Variants in FANCI observed in about 807,000 individuals in gnomAD.
FANCI encodes the protein Fanconi anemia group I protein.
A neutral mutation model predicts 176.1 loss-of-function variants in FANCI; 156 were observed. The ratio of observed to expected loss-of-function variants is 0.89; its 90% CI spans 0.78 to 1.01. The LOEUF is 1.01. FANCI is among the 50% of genes least tolerant of loss of function. The probability of loss-of-function intolerance (pLI) is 0.00; values close to 1 mark genes in which losing one functional copy is unlikely to be tolerated. For missense variants in FANCI, 1,678 were observed against 1,534.1 expected, an observed-to-expected ratio of 1.09 and a Z score of -1.57; for synonymous variants, 613 against 541.7, an observed-to-expected ratio of 1.13 and a Z score of -1.83.
chr15:89,294,320 C>A (rs1364491282), intron 23 of FANCI, among the ~76,000 whole-genome samples: 1 of 151,934 alleles, frequency 6.6e-6, no homozygotes, highest in Non-Finnish European at 1.5e-5. Flanking sequence ...CATGGTGCCT[C>A]ACTCCTGTAA....
chr15:89,305,295 G>A (rs367936782), intron 29 of FANCI, 46 bp from the exon 30 acceptor site: 1 of 1,614,044 alleles, frequency 6.2e-7, no homozygotes, highest in Non-Finnish European at 8.5e-7. Flanking sequence ...GGGGTCAAGG[G>A]AACAACCTTA....
intron 18 of FANCI, among the ~76,000 whole-genome samples, chr15:89,288,325 C>A (rs909752506): frequency 6.6e-6 from 1 of 151,910 alleles, no homozygotes; most frequent in African/African-American, 2.4e-5. Context: ...CCTTGATATG[C>A]CCCTTCCCCC....
chr15:89,269,551 T>A (rs1228760489), intron 10 of FANCI, among the ~76,000 whole-genome samples: 1 of 152,184 alleles, frequency 6.6e-6, no homozygotes, highest in African/African-American at 2.4e-5. Context: ...TCTGATTGTT[T>A]CCTCACGATT....
At chr15:89,250,262 C>A (rs1190253425) in intron 2 of FANCI, among the ~76,000 whole-genome samples, 1 of 152,064 alleles carries the variant, frequency 6.6e-6, no homozygotes, top group Admixed American at 6.6e-5. Context: ...TATTGCGGCA[C>A]TATTCACAAT....
intron 31 of FANCI, 84 bp downstream of exon 31, chr15:89,305,782 C>A: frequency 7.1e-7 from 1 of 1,409,090 alleles, no homozygotes; most frequent in South Asian, 1.2e-5. Flanking sequence ...AAATGGAGCC[C>A]CTGAGCTAAA....
chr15:89,248,666 CTCAAATTGAAGGCGTGAACACTG>C (rs1175845913), intron 2 of FANCI, among the ~76,000 whole-genome samples: 1 of 152,038 alleles, frequency 6.6e-6, no homozygotes, highest in Non-Finnish European at 1.5e-5. Context: ...AGTTTCATGC[CTCAAATTGAAGGCGTGAACACTG>C]TCAAATTGAA....
At chr15:89,256,938 G>A (rs2052521086) in intron 2 of FANCI, among the ~76,000 whole-genome samples, 2 of 151,874 alleles carry the variant, frequency 1.3e-5, no homozygotes, top group Admixed American at 6.6e-5. Flanking sequence ...ATGGAGTCTC[G>A]CTCTGTCACC....
intron 18 of FANCI, 53 bp from the exon 19 acceptor site, chr15:89,290,160 G>T (rs142144266): frequency 1.5e-6 from 2 of 1,346,782 alleles, no homozygotes; most frequent in East Asian, 2.3e-5. Context: ...TGATTGTCCA[G>T]ATCACTAGTA....
intron 27 of FANCI, among the ~76,000 whole-genome samples, chr15:89,303,140 G>A (rs965815150): frequency 1.3e-5 from 2 of 152,138 alleles, no homozygotes; most frequent in Non-Finnish European, 2.9e-5. Flanking sequence ...CATTGAGCAC[G>A]GTATTCTGAA....
At position 89,264,621 on chromosome 15, in the gene FANCI, T is replaced by C. The variant is rs1412789294; in HGVS notation, c.755+14T>C. ...GAGTGGTGACGAGTGAGTAATATAG[T>C]GTAGAAATAAAGATCATTTTTACAA... On this transcript the variant is annotated intron_variant, in intron 9 of 37. Transcript: ENST00000310775. The C allele has an allele frequency of 5.0e-6, 8 of 1,603,004 alleles. No homozygotes were observed. Among genetic ancestry groups the C allele is most frequent in the Non-Finnish European group, 6.8e-6 (8 of 1,170,502 alleles).
chr15:89,299,331 G>A lies in FANCI; in HGVS notation c.2637-469G>A, dbSNP rs2054441728. Among the ~76,000 whole-genome samples the A allele has an allele frequency of 2.0e-5, 3 of 152,180 alleles. No homozygotes were observed. The South Asian group carries it at 6.2e-4, about 31-fold the overall frequency. On this transcript the variant is annotated intron_variant, in intron 24 of 37. Transcript: ENST00000310775. ...ATTCATCCAAACATTTAAGGGAGAAGTAATGTAAATTCTGTGCAAATTCTT... is the reference window on the plus strand; with the variant it reads ...ATTCATCCAAACATTTAAGGGAGAAATAATGTAAATTCTGTGCAAATTCTT...
At chr15:89,313,990 C>T (rs2055080871) in intron 35 of FANCI, among the ~76,000 whole-genome samples, 2 of 151,210 alleles carry the variant, frequency 1.3e-5, no homozygotes, top group East Asian at 1.9e-4. Context: ...CACACACACA[C>T]ACACACACAC....
At chr15:89,262,373 G>T (rs2052750264) in intron 6 of FANCI, among the ~76,000 whole-genome samples, 1 of 151,840 alleles carries the variant, frequency 6.6e-6, no homozygotes, top group East Asian at 1.9e-4. Context: ...ATATGAACAT[G>T]TTCAACACAG....
Position 89,291,249 on chromosome 15 carries a change from C to T in FANCI, c.1891-364C>T, listed in dbSNP as rs150607190. ...TCCTCATTTTTAAGATGAGGAATCACGGTACAGATACTTTTATAAAAACCA... is the reference window on the plus strand; with the variant it reads ...TCCTCATTTTTAAGATGAGGAATCATGGTACAGATACTTTTATAAAAACCA... On this transcript the variant is annotated intron_variant, in intron 19 of 37. Transcript: ENST00000310775. 1.4e-4 allele frequency among the ~76,000 whole-genome samples: 22 copies of T among 152,150 alleles called. No homozygotes were observed. In the East Asian group the frequency reaches 4.0e-3, roughly 28 times the overall value.
chr15:89,307,765 A>C, intron 34 of FANCI, 93 bp downstream of exon 34: 1 of 1,605,194 alleles, frequency 6.2e-7, no homozygotes, highest in Non-Finnish European at 8.5e-7. Flanking sequence ...GAGCATATAT[A>C]AACTTTTTTC....
chr15:89,253,011 T>G (rs2052329269), intron 2 of FANCI, among the ~76,000 whole-genome samples: 1 of 152,110 alleles, frequency 6.6e-6, no homozygotes, highest in African/African-American at 2.4e-5. Flanking sequence ...TGAAAAGAGC[T>G]CTGAGAGAGG....
At position 89,313,569 on chromosome 15, in the gene FANCI, G is replaced by A. The variant is rs144790228; in HGVS notation, c.3720+597G>A. 9.7e-4 allele frequency among the ~76,000 whole-genome samples: 147 copies of A among 152,310 alleles called. 6 individuals are homozygous for A. The East Asian group carries it at 0.027, about 28-fold the overall frequency. Reference sequence around the variant, plus strand: ...ATGTGTAAGAGTCAGCGGGGGTACAGGAAAGGAGGCACTTAGTACATTGCT... The same window carrying A: ...ATGTGTAAGAGTCAGCGGGGGTACAAGAAAGGAGGCACTTAGTACATTGCT... On this transcript the variant is annotated intron_variant, in intron 35 of 37. Transcript: ENST00000310775.
In FANCI at chr15:89,305,240, C is replaced by G; in HGVS notation, c.3184C>G (p.Gln1062Glu). ...DIHGHLGDID[Q>E]DVEVEKTNHF... Reference sequence around the variant, plus strand: ...CCACGGGCATCTGGGAGATATAGACCAGGTACTATAATGAGCCTTCAGTAC... The same window carrying G: ...CCACGGGCATCTGGGAGATATAGACGAGGTACTATAATGAGCCTTCAGTAC... The change falls in exon 29 of 38, where the codon CAG becomes GAG. Residue 1062 changes from glutamine to glutamate, a missense_variant and splice_region_variant. By Grantham distance (29) the Gln-to-Glu change is conservative (BLOSUM62 2). This residue lies in a region of FANCI where 1,204 missense variants were observed against 1,077.4 expected (regional missense o/e 1.12). Transcript: ENST00000310775. 1 of 1,614,178 alleles carries G rather than the reference C, an allele frequency of 6.2e-7. No homozygotes were observed. Among genetic ancestry groups the G allele is most frequent in the Non-Finnish European group, 8.5e-7 (1 of 1,180,042 alleles).
At position 89,286,977 on chromosome 15, in the gene FANCI, C is replaced by CTTTTTTTTTTTTTTTTTTTTTTTTTTT. The variant is rs543431700; in HGVS notation, c.1821+1780_1821+1781insTTTTTTTTTTTTTTTTTTTTTTTTTTT. Among the ~76,000 whole-genome samples, 9 of 86,054 alleles carry CTTTTTTTTTTTTTTTTTTTTTTTTTTT rather than the reference C, an allele frequency of 1.0e-4. 4 individuals are homozygous for CTTTTTTTTTTTTTTTTTTTTTTTTTTT. Among genetic ancestry groups the CTTTTTTTTTTTTTTTTTTTTTTTTTTT allele is most frequent in the African/African-American group, 4.3e-4 (9 of 21,158 alleles). 56.5% of individuals were successfully genotyped at this position (86,054 alleles called of 152,430 possible). ...TCAGCATTTGCTGCTTCACCTTGCA[C>CTTTTTTTTTTTTTTTTTTTTTTTTTTT]TTTTTTTTTTTTTTTTTTTTTGAGT... is the stretch of plus-strand genomic sequence containing the variant. On this transcript the variant is annotated intron_variant, in intron 18 of 37. Transcript: ENST00000310775.
Sources: allele counts gnomAD v4.1 joint callset (sites outside exome capture counted in the v4.1 genomes callset), GRCh38; gene constraint gnomAD v4.1.1; regional missense constraint gnomAD v4.1.1; transcripts MANE v1.5; gene names NCBI Gene and HGNC (gene_info 2026-07-23, HGNC 2026-07-21).